The following NLRP13 variants were observed in gnomAD, a reference collection of about 807,000 sequenced individuals.
NLRP13 encodes the protein NACHT, LRR and PYD domains-containing protein 13.
A neutral mutation model predicts 94.4 loss-of-function variants in NLRP13; 82 were observed. The observed-to-expected ratio is 0.87, with a 90% CI of 0.73 to 1.04. The LOEUF (loss-of-function observed/expected upper bound fraction) is 1.04, where lower values mean the gene tolerates loss of function less well. NLRP13 is among the 50% of genes least tolerant of loss of function. The pLI is 0.00. For missense variants in NLRP13, 1,426 were observed against 1,230.8 expected, an observed-to-expected ratio of 1.16 and a Z score of -2.37; for synonymous variants, 553 against 464.7, an observed-to-expected ratio of 1.19 and a Z score of -2.45.
downstream of NLRP13, among the ~76,000 whole-genome samples, chr19:55,894,539 G>A (rs923272382): frequency 2.6e-5 from 4 of 152,000 alleles, no homozygotes; most frequent in African/African-American, 9.7e-5. Context: ...CCTGATATAG[G>A]GACTCCTCCT....
chr19:55,907,152 G>A, intron 7 of NLRP13, among the ~76,000 whole-genome samples: 1 of 152,064 alleles, frequency 6.6e-6, no homozygotes, highest in Non-Finnish European at 1.5e-5. Flanking sequence ...TAGAGACGGG[G>A]TTTCACCGTG....
intron 8 of NLRP13, among the ~76,000 whole-genome samples, chr19:55,902,507 G>T (rs143702554): frequency 1.3e-5 from 2 of 152,040 alleles, no homozygotes; most frequent in Non-Finnish European, 2.9e-5. Context: ...CCAGTTGGGC[G>T]TGGGTCCAAA....
intron 4 of NLRP13, among the ~76,000 whole-genome samples, chr19:55,918,057 A>C (rs981310420): frequency 6.6e-6 from 1 of 152,090 alleles, no homozygotes. Flanking sequence ...AATTATATCA[A>C]GTATTTTTCT....
chr19:55,901,091 C>T (rs1986157207), intron 9 of NLRP13, among the ~76,000 whole-genome samples: 1 of 152,166 alleles, frequency 6.6e-6, no homozygotes, highest in Non-Finnish European at 1.5e-5. Context: ...GCATGATTGC[C>T]ACAGCTGGTG....
intron 10 of NLRP13, among the ~76,000 whole-genome samples, 197 bp downstream of exon 10, chr19:55,898,573 G>A (rs1275178414): frequency 1.3e-5 from 2 of 152,156 alleles, no homozygotes; most frequent in Non-Finnish European, 2.9e-5. Context: ...TCGAACTCCT[G>A]ACCTCAGGTG....
intron 6 of NLRP13, among the ~76,000 whole-genome samples, chr19:55,908,732 T>C (rs1476126132): frequency 3.3e-5 from 5 of 152,072 alleles, no homozygotes; most frequent in African/African-American, 1.2e-4. Flanking sequence ...TGAGAACACA[T>C]GGACACATAG....
Position 55,912,738 on chromosome 19 carries a change from A to G in NLRP13, c.1079T>C (p.Leu360Pro), listed in dbSNP as rs1329174695. 3 of 1,614,226 alleles carry G rather than the reference A, an allele frequency of 1.9e-6. No individual in the cohort carries two copies. The Admixed American group carries it at 5.0e-5, about 27-fold the overall frequency. ...CACAAACCAGGTCTTGATCGTGATC[A>G]GTAAGGTAGCCAGGGGAACCAATTC... is the stretch of plus-strand genomic sequence containing the variant. ...KKELVPLATL[L>P]ITIKTWFVRD... The change falls in exon 5 of 11, where the codon CTG becomes CCG. Residue 360 changes from leucine (L) to proline (P), a missense_variant. Leu to Pro is a moderately conservative substitution (Grantham distance 98). Coordinates refer to ENST00000342929, the MANE Select transcript of NLRP13 (RefSeq NM_176810.2).
intron 6 of NLRP13, among the ~76,000 whole-genome samples, chr19:55,908,435 G>A (rs562453016): frequency 3.1e-4 from 47 of 152,276 alleles, no homozygotes; most frequent in South Asian, 6.2e-4. Flanking sequence ...ATGCCCAAAG[G>A]AACGTAAATC....
chr19:55,896,155 C>T lies in NLRP13; in HGVS notation c.2958-36G>A, dbSNP rs770296129. 8.1e-6 allele frequency: 13 copies of T among 1,600,034 alleles called. No individual in the cohort carries two copies. In the Admixed American group the frequency reaches 1.1e-4, roughly 13 times the overall value. ...GTGGGAAGAAAGCACAACAGATAGT[C>T]CTCTGAGACTGGGAAGTTAGAAAAG... On this transcript the variant is annotated intron_variant, in intron 10 of 10. Coordinates refer to ENST00000342929, the MANE Select transcript of NLRP13 (RefSeq NM_176810.2).
In NLRP13 at chr19:55,923,967, G is replaced by A. The variant is rs199475874; in HGVS notation, c.470C>T (p.Ala157Val). ...ELEEETGNVQ[A>V]QGCQDPNQEE... ...TTGGTTTGGATCTTGGCATCCCTGG[G>A]CCTGTACATTCCCTGAAATAAACAG... Residue 157 changes from alanine (A) to valine (V), a missense_variant, in exon 4 of 11, where the codon GCC (alanine) becomes GTC (valine). By Grantham distance (64) the Ala-to-Val change is moderately conservative. Transcript: ENST00000342929. 1 of 1,613,418 alleles carries A rather than the reference G, an allele frequency of 6.2e-7. No individual in the cohort carries two copies. The highest frequency in any genetic ancestry group is 8.5e-7 in the Non-Finnish European group (1 of 1,179,576).
At chr19:55,915,893 C>T (rs1368814365) in intron 4 of NLRP13, among the ~76,000 whole-genome samples, 1 of 152,150 alleles carries the variant, frequency 6.6e-6, no homozygotes, top group Non-Finnish European at 1.5e-5. Flanking sequence ...ATAAAAGCTA[C>T]TGCAACTGCT....
chr19:55,912,579 C>T lies in NLRP13; in HGVS notation c.1238G>A (p.Arg413Lys). 6.2e-7 allele frequency: 1 copy of T among 1,614,094 alleles called. No homozygotes were observed. The highest frequency in any genetic ancestry group is 8.5e-7 in the Non-Finnish European group (1 of 1,180,028). Residue 413 changes from arginine to lysine, a missense_variant, in exon 5 of 11, where the codon AGA becomes AAA. Arg to Lys is a conservative substitution (Grantham distance 26). Transcript: ENST00000342929. The part of the protein sequence containing the change: ...SEVEKILQQL[R>K]KNETLFHSCS... ...GGAATGAAAGAGAGTTTCGTTTTTT[C>T]TTAGCTGCTGCAGGATTTTCTCAAC...
At chr19:55,931,474 C>T (rs964899474) in intron 1 of NLRP13, among the ~76,000 whole-genome samples, 19 of 151,568 alleles carry the variant, frequency 1.3e-4, no homozygotes, top group African/African-American at 1.9e-4. Context: ...TTTGGGAGGT[C>T]GAGGCGAGCA....
chr19:55,902,875 T>C (rs1396849117), intron 8 of NLRP13, among the ~76,000 whole-genome samples: 1 of 144,682 alleles, frequency 6.9e-6, no homozygotes, highest in Non-Finnish European at 1.5e-5. Flanking sequence ...ATAATGTAAA[T>C]ATATAATGAA....
downstream of NLRP13, among the ~76,000 whole-genome samples, chr19:55,894,459 T>C (rs1450816919): frequency 2.6e-5 from 4 of 152,152 alleles, no homozygotes; most frequent in Non-Finnish European, 5.9e-5. Flanking sequence ...CCTCAGGGCC[T>C]TTGCACATGC....
chr19:55,913,427 G>A, intron 4 of NLRP13, 134 bp from the exon 5 acceptor site: 2 of 1,034,160 alleles, frequency 1.9e-6, no homozygotes, highest in South Asian at 3.4e-5. Context: ...GGAATGCAGT[G>A]GTAGAAAGTT....
chr19:55,924,694 C>A (rs2123143577), intron 2 of NLRP13, 36 bp from the exon 3 acceptor site: 1 of 1,576,998 alleles, frequency 6.3e-7, no homozygotes, highest in Non-Finnish European at 8.7e-7. Flanking sequence ...ATGAAAATAC[C>A]CCAGAGTGAA....
intron 7 of NLRP13, 49 bp from the exon 8 acceptor site, chr19:55,905,161 T>C (rs1203047455): frequency 7.5e-6 from 12 of 1,599,908 alleles, no homozygotes; most frequent in Non-Finnish European, 1.0e-5. Context: ...ATGCCCAGGT[T>C]CCTCTACCTT....
intron 7 of NLRP13, 59 bp from the exon 8 acceptor site, chr19:55,905,171 T>TTC: frequency 6.3e-7 from 1 of 1,585,616 alleles, no homozygotes; most frequent in South Asian, 1.1e-5. Context: ...TCCTCTACCT[T>TTC]TCTCTCTCAA....
Sources: gnomAD v4.1 joint callset for allele counts (sites outside exome capture counted in the v4.1 genomes callset) on GRCh38, gnomAD v4.1.1 for gene constraint, MANE v1.5 for transcripts, NCBI Gene and HGNC (gene_info 2026-07-23, HGNC 2026-07-21) for gene names.